Variants in NRG3 observed in about 807,000 individuals in gnomAD.
NRG3 encodes the protein neuregulin 3, also known as pro-neuregulin-3, membrane-bound isoform.
NRG3 carries 31 observed loss-of-function variants against 66.9 expected under a neutral mutation model. The ratio of observed to expected loss-of-function variants is 0.46; its 90% CI spans 0.35 to 0.63. The LOEUF (loss-of-function observed/expected upper bound fraction) is 0.63. Among genes scored for constraint, NRG3 ranks in the 20% least tolerant of loss-of-function variants. The probability of loss-of-function intolerance (pLI) is 0.00; values close to 1 mark genes in which losing one functional copy is unlikely to be tolerated. For missense variants in NRG3, 910 were observed against 878.9 expected, an observed-to-expected ratio of 1.04 and a Z score of -0.45; for synonymous variants, 393 against 359.4, an observed-to-expected ratio of 1.09 and a Z score of -1.06.
intron 1 of NRG3, chr10:81,889,657 A>G (rs1842873753): frequency 6.6e-6 from 1 of 152,126 alleles, no homozygotes; most frequent in Non-Finnish European, 1.5e-5. Flanking sequence ...TCTATTTTTC[A>G]CTGATCAGGT....
chr10:82,421,232 A>C (rs541340712), intron 2 of NRG3, among the ~76,000 whole-genome samples: 1 of 152,278 alleles, frequency 6.6e-6, no homozygotes, highest in East Asian at 1.9e-4. Context: ...CAAAGCTTGA[A>C]GCCCAGCATA....
In NRG3 at chr10:82,925,105, G is replaced by A. The variant is rs545402171; in HGVS notation, c.1055-26364G>A. 1.6e-4 allele frequency among the ~76,000 whole-genome samples: 25 copies of A among 152,200 alleles called. No individual in the cohort carries two copies. In the South Asian group the frequency reaches 4.2e-3, roughly 25 times the overall value. Reference sequence around the variant, plus strand: ...TACAGATGAGGGCCCTGAGACTAGGGGAAGACAAAGAATTCCTCAAAGTTA... The same window carrying A: ...TACAGATGAGGGCCCTGAGACTAGGAGAAGACAAAGAATTCCTCAAAGTTA... On this transcript the variant is annotated intron_variant, in intron 4 of 8. Transcript: ENST00000372141.
At chr10:82,207,583 G>A (rs1027356736) in intron 1 of NRG3, among the ~76,000 whole-genome samples, 1 of 152,132 alleles carries the variant, frequency 6.6e-6, no homozygotes, top group Admixed American at 6.5e-5. Context: ...GTAGCGGTCC[G>A]TTCTCACGCT....
At chr10:82,390,305 T>A (rs2086267591) in intron 2 of NRG3, among the ~76,000 whole-genome samples, 1 of 152,116 alleles carries the variant, frequency 6.6e-6, no homozygotes, top group Non-Finnish European at 1.5e-5. Context: ...AAGCCATATT[T>A]TACTTGAGTT....
chr10:82,388,548 C>T (rs1167118488), intron 2 of NRG3, among the ~76,000 whole-genome samples: 1 of 152,058 alleles, frequency 6.6e-6, no homozygotes, highest in Non-Finnish European at 1.5e-5. Context: ...ATTTGGACTG[C>T]TGATACTTCT....
At chr10:82,309,728 A>G (rs1484221058) in intron 1 of NRG3, among the ~76,000 whole-genome samples, 1 of 152,148 alleles carries the variant, frequency 6.6e-6, no homozygotes, top group Non-Finnish European at 1.5e-5. Flanking sequence ...AGTAGCAAGC[A>G]ATTATTAGGA....
At chr10:82,277,359 C>T (rs1394054694) in intron 1 of NRG3, among the ~76,000 whole-genome samples, 2 of 152,008 alleles carry the variant, frequency 1.3e-5, no homozygotes, top group Non-Finnish European at 2.9e-5. Flanking sequence ...AATTCTCTTC[C>T]AGAGTAGGAC....
intron 1 of NRG3, among the ~76,000 whole-genome samples, chr10:81,930,604 T>C (rs1200136849): frequency 6.6e-6 from 1 of 152,136 alleles, no homozygotes; most frequent in African/African-American, 2.4e-5. Context: ...ACATAGGTTT[T>C]GATCTATAGG....
At chr10:82,738,681 C>T (rs1362506921) in intron 3 of NRG3, 31 bp downstream of exon 3, 1 of 1,555,494 alleles carries the variant, frequency 6.4e-7, no homozygotes, top group Non-Finnish European at 8.9e-7. Context: ...CTCTCTAATG[C>T]AATATATAGG....
chr10:81,916,285 T>C (rs1198573453), intron 1 of NRG3, among the ~76,000 whole-genome samples: 1 of 152,190 alleles, frequency 6.6e-6, no homozygotes, highest in African/African-American at 2.4e-5. Context: ...CAGTAAGTAT[T>C]TACTGGGCAT....
At chr10:82,895,947 C>G (rs983623335) in intron 4 of NRG3, among the ~76,000 whole-genome samples, 1 of 151,968 alleles carries the variant, frequency 6.6e-6, no homozygotes, top group African/African-American at 2.4e-5. Flanking sequence ...TTGATAGGAT[C>G]GAATGAAATA....
intron 1 of NRG3, among the ~76,000 whole-genome samples, chr10:82,221,536 G>A (rs1458839767): frequency 3.3e-5 from 5 of 152,084 alleles, no homozygotes; most frequent in Non-Finnish European, 7.4e-5. Flanking sequence ...ATGCAGGCAG[G>A]TAGAAATTGA....
At chr10:82,572,231 G>C (rs533591832) in intron 2 of NRG3, among the ~76,000 whole-genome samples, 2 of 151,132 alleles carry the variant, frequency 1.3e-5, no homozygotes, top group Admixed American at 1.3e-4. Context: ...TCAGCTCCTC[G>C]TGTGTTCTTA....
At chr10:81,938,873 G>C (rs1848152699) in intron 1 of NRG3, among the ~76,000 whole-genome samples, 1 of 151,888 alleles carries the variant, frequency 6.6e-6, no homozygotes, top group Admixed American at 6.6e-5. Context: ...TTTTCTTGTT[G>C]AGTATAATGT....
intron 2 of NRG3, among the ~76,000 whole-genome samples, chr10:82,727,762 G>T (rs1232250332): frequency 2.0e-5 from 3 of 152,120 alleles, no homozygotes; most frequent in Admixed American, 2.0e-4. Context: ...TCCACCAATT[G>T]CTTGCACTGT....
chr10:82,874,546 C>T (rs1457482772), intron 4 of NRG3, among the ~76,000 whole-genome samples: 1 of 151,890 alleles, frequency 6.6e-6, no homozygotes, highest in Non-Finnish European at 1.5e-5. Flanking sequence ...GGAGGAGTGC[C>T]ATTAAAAGAG....
At chr10:82,603,296 C>A (rs1242466478) in intron 2 of NRG3, among the ~76,000 whole-genome samples, 2 of 152,082 alleles carry the variant, frequency 1.3e-5, no homozygotes, top group East Asian at 3.9e-4. Context: ...ATGTAACTGA[C>A]CCCAAATCAA....
At chr10:82,881,974 A>G (rs1842340540) in intron 4 of NRG3, among the ~76,000 whole-genome samples, 1 of 152,120 alleles carries the variant, frequency 6.6e-6, no homozygotes, top group African/African-American at 2.4e-5. Context: ...AGTGCCAAAT[A>G]CTATAGAATT....
At chr10:82,941,966 A>G (rs535977850) in intron 4 of NRG3, among the ~76,000 whole-genome samples, 31 of 149,958 alleles carry the variant, frequency 2.1e-4, no homozygotes, top group Admixed American at 1.2e-3. Context: ...TCCAGGTGAA[A>G]CTTTTGCTTA....
Sources: allele counts gnomAD v4.1 joint callset (sites outside exome capture counted in the v4.1 genomes callset), GRCh38; gene constraint gnomAD v4.1.1; transcripts MANE v1.5; gene names NCBI Gene and HGNC (gene_info 2026-07-23, HGNC 2026-07-21).